The following KIF26B variants were observed in gnomAD, a reference collection of about 807,000 sequenced individuals.
The protein encoded by KIF26B is kinesin-like protein KIF26B.
KIF26B carries 63 observed loss-of-function variants against 151.2 expected under a neutral mutation model. The ratio of observed to expected loss-of-function variants is 0.42; its 90% confidence interval spans 0.34 to 0.51. The LOEUF is 0.51. Among genes scored for constraint, KIF26B ranks in the 20% least tolerant of loss-of-function variants. The pLI, the probability that KIF26B is intolerant of heterozygous loss-of-function variation, is 0.07. For synonymous variants in KIF26B, 1,357 were observed against 1,262.1 expected (o/e 1.08, Z -1.59); for missense variants, 2,813 against 2,913.6 (o/e 0.97, Z 0.79).
intron 4 of KIF26B, among the ~76,000 whole-genome samples, chr1:245,538,799 C>T (rs1180648463): frequency 1.3e-5 from 2 of 152,096 alleles, no homozygotes; most frequent in African/African-American, 4.8e-5. Context: ...GAGACATAGG[C>T]AGGCTGGCTT....
intron 10 of KIF26B, among the ~76,000 whole-genome samples, chr1:245,662,104 CAATA>C (rs2044150062): frequency 6.6e-6 from 1 of 150,428 alleles, no homozygotes; most frequent in Admixed American, 6.6e-5. Context: ...TACACACACT[CAATA>C]TATATATATA....
At chr1:245,543,065 C>T (rs958228377) in intron 5 of KIF26B, among the ~76,000 whole-genome samples, 4 of 152,170 alleles carry the variant, frequency 2.6e-5, no homozygotes, top group African/African-American at 9.6e-5. Context: ...AACCGTCCTC[C>T]TGCACCTACA....
intron 2 of KIF26B, among the ~76,000 whole-genome samples, chr1:245,161,110 A>T (rs572500818): frequency 2.0e-5 from 3 of 152,228 alleles, no homozygotes; most frequent in Non-Finnish European, 1.5e-5. Flanking sequence ...AGTCTTTCTC[A>T]TATCAGAAGT....
At chr1:245,471,131 G>GTATA (rs3068342) in intron 4 of KIF26B, among the ~76,000 whole-genome samples, 18 of 149,326 alleles carry the variant, frequency 1.2e-4, no homozygotes, top group South Asian at 2.1e-4. Context: ...GTGTGTGTGT[G>GTATA]TATATATATA....
intron 5 of KIF26B, among the ~76,000 whole-genome samples, chr1:245,568,133 C>T (rs575489951): frequency 7.0e-6 from 1 of 142,648 alleles, no homozygotes; most frequent in East Asian, 2.0e-4. Context: ...TGCAGTGAGC[C>T]GAGATCATGT....
chr1:245,556,856 T>C (rs1662051201), intron 5 of KIF26B, among the ~76,000 whole-genome samples: 1 of 152,198 alleles, frequency 6.6e-6, no homozygotes, highest in Non-Finnish European at 1.5e-5. Context: ...TTAATCTTTA[T>C]GAAAATGTTT....
At chr1:245,552,632 T>TTTTTTTTTTTA (rs1661920684) in intron 5 of KIF26B, among the ~76,000 whole-genome samples, 2 of 151,492 alleles carry the variant, frequency 1.3e-5, no homozygotes, top group African/African-American at 4.9e-5. Flanking sequence ...TTTTTTTTTT[T>TTTTTTTTTTTA]GAGACAGTCT....
Position 245,610,532 on chromosome 1 carries a change from C to T in KIF26B, c.1914+1004C>T, listed in dbSNP as rs138808268. 5.0e-3 allele frequency among the ~76,000 whole-genome samples: 754 copies of T among 152,116 alleles called. 6 individuals carry two copies. The highest frequency in any genetic ancestry group is 0.017 in the African/African-American group (719 of 41,516). On this transcript the variant is annotated intron_variant, in intron 8 of 14. Coordinates refer to ENST00000407071, the MANE Select transcript of KIF26B (RefSeq NM_018012.4). ...ACAGTTGGAAATCACTGTTCTGAGG[C>T]ATCAAATGTGCAGAGACAGTATCTA...
At chr1:245,469,313 A>T (rs1659859641) in intron 4 of KIF26B, among the ~76,000 whole-genome samples, 1 of 152,234 alleles carries the variant, frequency 6.6e-6, no homozygotes. Flanking sequence ...TCAGGCAGGG[A>T]TGAGCTGCCT....
At chr1:245,468,764 G>A (rs558370930) in intron 4 of KIF26B, among the ~76,000 whole-genome samples, 6 of 152,148 alleles carry the variant, frequency 3.9e-5, no homozygotes, top group Non-Finnish European at 5.9e-5. Context: ...TATAACGTCC[G>A]GCAGTAGAAC....
At chr1:245,286,035 A>G (rs544404285) in intron 2 of KIF26B, among the ~76,000 whole-genome samples, 16 of 151,408 alleles carry the variant, frequency 1.1e-4, no homozygotes, top group African/African-American at 3.9e-4. Context: ...AAAAGAAAAG[A>G]AAAAGAACAT....
intron 10 of KIF26B, among the ~76,000 whole-genome samples, chr1:245,664,970 AGTTT>A (rs932751729): frequency 6.6e-6 from 1 of 152,190 alleles, no homozygotes; most frequent in Non-Finnish European, 1.5e-5. Context: ...AGAATATCAC[AGTTT>A]GTTTAAAAAT....
chr1:245,190,468 T>C (rs986099420), intron 2 of KIF26B, among the ~76,000 whole-genome samples: 3 of 152,036 alleles, frequency 2.0e-5, no homozygotes, highest in African/African-American at 7.3e-5. Context: ...CATTAGCACA[T>C]CCCACAAGCA....
rs1401485081 is a variant in KIF26B at position 245,611,315 on chromosome 1, G to GT, written c.1915-471dup. Among the ~76,000 whole-genome samples the GT allele has an allele frequency of 2.0e-5, 3 of 152,152 alleles. No homozygotes were observed. In the South Asian group the frequency reaches 6.2e-4, roughly 32 times the overall value. ...TAGGAGTCAAATGAAAGCTAACCAA[G>GT]TTTTTTTACATCTTTGGGACACCAC... On this transcript the variant is annotated intron_variant, in intron 8 of 14. Transcript: ENST00000407071.
chr1:245,282,168 C>T (rs961446846), intron 2 of KIF26B, among the ~76,000 whole-genome samples: 3 of 151,894 alleles, frequency 2.0e-5, no homozygotes, highest in Non-Finnish European at 4.4e-5. Context: ...GGCCATACTG[C>T]CCAAGGTAAT....
chr1:245,604,826 T>C (rs1229074199), intron 6 of KIF26B, among the ~76,000 whole-genome samples: 1 of 152,220 alleles, frequency 6.6e-6, no homozygotes, highest in African/African-American at 2.4e-5. Flanking sequence ...TGTATAAATT[T>C]GCAGTTTTCA....
chr1:245,234,058 C>T (rs1670053352), intron 2 of KIF26B, among the ~76,000 whole-genome samples: 1 of 151,862 alleles, frequency 6.6e-6, no homozygotes, highest in South Asian at 2.1e-4. Context: ...GTGGCGGGCA[C>T]CTGTAATCCC....
At chr1:245,366,462 T>G (rs1406126508) in intron 2 of KIF26B, among the ~76,000 whole-genome samples, 1 of 146,174 alleles carries the variant, frequency 6.8e-6, no homozygotes, top group Admixed American at 7.0e-5. Flanking sequence ...AATCCAGAGG[T>G]GGAGGTTGCA....
intron 10 of KIF26B, among the ~76,000 whole-genome samples, chr1:245,676,975 G>A (rs770523808): frequency 2.5e-4 from 38 of 152,120 alleles, no homozygotes; most frequent in Non-Finnish European, 4.6e-4. Context: ...GGAAGAACGC[G>A]TCTCTCCCAC....
Sources: allele counts gnomAD v4.1 joint callset (sites outside exome capture counted in the v4.1 genomes callset), GRCh38; gene constraint gnomAD v4.1.1; transcripts MANE v1.5; gene names NCBI Gene and HGNC (gene_info 2026-07-23, HGNC 2026-07-21).